The following PCGF6 variants were observed in gnomAD, a reference collection of about 807,000 sequenced individuals.
PCGF6 encodes the protein polycomb group RING finger protein 6.
Under a neutral mutation model 45.5 loss-of-function variants are expected in PCGF6, and 24 were observed. The observed-to-expected ratio is 0.53, with a 90% CI of 0.38 to 0.74. The LOEUF (loss-of-function observed/expected upper bound fraction) is 0.74, where lower values mean the gene tolerates loss of function less well. Ranked by LOEUF, PCGF6 falls within the 30% of genes least tolerant of loss-of-function variation. The pLI is 0.00. For synonymous variants in PCGF6, 152 were observed against 162.1 expected, an observed-to-expected ratio of 0.94 and a Z score of 0.47; for missense variants, 356 against 443.2, an observed-to-expected ratio of 0.80 and a Z score of 1.77.
At chr10:103,315,402 C>T (rs2093171228) in intron 8 of PCGF6, among the ~76,000 whole-genome samples, 1 of 152,142 alleles carries the variant, frequency 6.6e-6, no homozygotes, top group African/African-American at 2.4e-5. Flanking sequence ...CTCTGTCGCC[C>T]AGGCTGGAGT....
chr10:103,327,024 C>G (rs190936826), intron 7 of PCGF6, among the ~76,000 whole-genome samples: 3 of 152,150 alleles, frequency 2.0e-5, no homozygotes, highest in Non-Finnish European at 4.4e-5. Context: ...TGGTGGCTCA[C>G]GCCTGCAATC....
intron 9 of PCGF6, among the ~76,000 whole-genome samples, chr10:103,307,173 T>C (rs992839469): frequency 6.6e-6 from 1 of 151,922 alleles, no homozygotes; most frequent in Non-Finnish European, 1.5e-5. Context: ...TGGTGGCTCA[T>C]GGCTCATGCC....
intron 8 of PCGF6, among the ~76,000 whole-genome samples, chr10:103,324,873 G>A (rs1197597305): frequency 1.3e-5 from 2 of 151,142 alleles, no homozygotes; most frequent in Admixed American, 6.6e-5. Flanking sequence ...GGTGGCTCAC[G>A]CCTGTAATCC....
At chr10:103,322,940 C>G (rs928427012) in intron 8 of PCGF6, among the ~76,000 whole-genome samples, 1 of 150,532 alleles carries the variant, frequency 6.6e-6, no homozygotes, top group Non-Finnish European at 1.5e-5. Context: ...AAAACATACA[C>G]ACACACAGAC....
At position 103,317,999 on chromosome 10, in the gene PCGF6, C is replaced by T. The variant is rs943967912; in HGVS notation, c.910-3727G>A. Among the ~76,000 whole-genome samples the T allele has an allele frequency of 1.4e-4, 21 of 151,476 alleles. 2 individuals carry two copies. The highest frequency in any genetic ancestry group is 3.4e-3 in the Middle Eastern group (1 of 294). On this transcript the variant is annotated intron_variant, in intron 8 of 9. Coordinates refer to ENST00000369847, the MANE Select transcript of PCGF6 (RefSeq NM_001011663.2). ...CTCGAACTCCCGAACTCAGGCAATC[C>T]GCCCACTTCAGCCTCCCAAAGTGCT...
At chr10:103,338,665 G>A (rs935471732) in intron 6 of PCGF6, among the ~76,000 whole-genome samples, 3 of 151,432 alleles carry the variant, frequency 2.0e-5, no homozygotes, top group Admixed American at 1.3e-4. Flanking sequence ...TCAGGAGTTC[G>A]AGACCAGCCT....
chr10:103,312,222 T>C (rs1293530191), intron 9 of PCGF6, among the ~76,000 whole-genome samples: 1 of 150,910 alleles, frequency 6.6e-6, no homozygotes, highest in African/African-American at 2.4e-5. Flanking sequence ...TGAAACCCCG[T>C]CTCTATTAAA....
In PCGF6 at chr10:103,344,923, A is replaced by C. The variant is rs1592077529; in HGVS notation, c.782+101T>G. Reference sequence around the variant, plus strand: ...TATTCAGTTATTTCATAATTTTCCAAGGGGATGTCAGAAAACTTGATTTTA... The same window carrying C: ...TATTCAGTTATTTCATAATTTTCCACGGGGATGTCAGAAAACTTGATTTTA... On this transcript the variant is annotated intron_variant, in intron 6 of 9. Transcript: ENST00000369847. The C allele has an allele frequency of 9.4e-6, 7 of 745,850 alleles. No homozygotes were observed. The East Asian group carries it at 1.9e-4, about 20-fold the overall frequency. The allele number at this position is 745,850 out of a possible 1,614,324, so 46.2% of individuals were successfully genotyped here.
At chr10:103,322,685 A>C (rs1485795817) in intron 8 of PCGF6, among the ~76,000 whole-genome samples, 1 of 152,054 alleles carries the variant, frequency 6.6e-6, no homozygotes, top group Non-Finnish European at 1.5e-5. Context: ...TTAGCCGGGC[A>C]TGGTGGCATG....
intron 1 of PCGF6, 35 bp from the exon 2 acceptor site, chr10:103,349,034 T>G: frequency 6.6e-7 from 1 of 1,504,994 alleles, no homozygotes; most frequent in Non-Finnish European, 9.1e-7. Context: ...AAAATACAAG[T>G]CCTTGCCTTT....
intron 9 of PCGF6, among the ~76,000 whole-genome samples, chr10:103,313,422 G>A (rs1166770081): frequency 7.9e-5 from 12 of 152,094 alleles, no homozygotes; most frequent in African/African-American, 1.2e-4. Flanking sequence ...AAAATCAGCC[G>A]GGTGTGGTGG....
intron 1 of PCGF6, among the ~76,000 whole-genome samples, 170 bp downstream of exon 1, chr10:103,350,537 C>T (rs1426468819): frequency 6.6e-6 from 1 of 152,202 alleles, no homozygotes; most frequent in Non-Finnish European, 1.5e-5. Flanking sequence ...GGGCCGGAGG[C>T]CTGTCGGCGC....
chr10:103,331,846 G>A (rs1390072699), intron 7 of PCGF6, among the ~76,000 whole-genome samples: 1 of 152,184 alleles, frequency 6.6e-6, no homozygotes, highest in East Asian at 1.9e-4. Flanking sequence ...AGGCTGGAGT[G>A]CAGTGGTGAG....
At chr10:103,307,449 CA>C (rs374766975) in intron 9 of PCGF6, among the ~76,000 whole-genome samples, 5 of 145,296 alleles carry the variant, frequency 3.4e-5, no homozygotes, top group African/African-American at 5.0e-5. Flanking sequence ...GACCCTGTCT[CA>C]AAAAAAAAAG....
At chr10:103,349,133 C>T (rs551869218) in intron 1 of PCGF6, 134 bp from the exon 2 acceptor site, 6 of 697,182 alleles carry the variant, frequency 8.6e-6, no homozygotes, top group Admixed American at 3.0e-5. Flanking sequence ...CTGCAACCTC[C>T]GCCTCCTGGA....
intron 7 of PCGF6, among the ~76,000 whole-genome samples, chr10:103,330,170 G>A (rs2093234964): frequency 6.6e-6 from 1 of 151,952 alleles, no homozygotes. Context: ...TGCCTCCCGG[G>A]TTCAAGCAAT....
chr10:103,339,351 C>T (rs1257539358), intron 6 of PCGF6, among the ~76,000 whole-genome samples: 1 of 152,148 alleles, frequency 6.6e-6, no homozygotes, highest in East Asian at 1.9e-4. Flanking sequence ...GATCGCGCCA[C>T]TGCAGTCCAG....
intron 8 of PCGF6, among the ~76,000 whole-genome samples, chr10:103,314,877 C>T (rs2093168883): frequency 6.7e-6 from 1 of 150,108 alleles, no homozygotes; most frequent in African/African-American, 2.5e-5. Context: ...ATCACTCGAC[C>T]CCAGGAGGTG....
intron 1 of PCGF6, 82 bp downstream of exon 1, chr10:103,350,625 G>A: frequency 4.6e-6 from 6 of 1,314,678 alleles, no homozygotes; most frequent in South Asian, 1.9e-5. Flanking sequence ...CACTAGGATC[G>A]GGCCGGCGCC....
Sources: allele counts gnomAD v4.1 joint callset (sites outside exome capture counted in the v4.1 genomes callset), GRCh38; gene constraint gnomAD v4.1.1; transcripts MANE v1.5; gene names NCBI Gene and HGNC (gene_info 2026-07-23, HGNC 2026-07-21).